Variants in GRAMD4 observed in about 807,000 individuals in gnomAD.
GRAMD4 encodes GRAM domain-containing protein 4.
A neutral mutation model predicts 83.9 loss-of-function variants in GRAMD4; 25 were observed. The ratio of observed to expected loss-of-function variants is 0.30; its 90% confidence interval spans 0.22 to 0.42. The LOEUF is 0.42. Ranked by LOEUF, GRAMD4 falls within the 10% of genes least tolerant of loss-of-function variation. The pLI, the probability that GRAMD4 is intolerant of heterozygous loss-of-function variation, is 1.00. For missense variants in GRAMD4, 593 were observed against 788.7 expected, an observed-to-expected ratio of 0.75 and a Z score of 2.97; for synonymous variants, 336 against 320.9, an observed-to-expected ratio of 1.05 and a Z score of -0.50.
rs772568964 is a variant in GRAMD4 at position 46,672,948 on chromosome 22, C to T, written c.1190C>T (p.Pro397Leu). ...DTPYIIWRSL[P>L]TDPQLKERSS... ...CCCTATATCATCTGGAGGAGTCTCC[C>T]CACCGACCCGCAGCTCAAGGAGCGC... Residue 397 changes from proline to leucine, a missense_variant, in exon 14 of 19, where the codon CCC becomes CTC. Physicochemically the swap from Pro to Leu is moderately conservative, Grantham distance 98. Around this residue, in one of 4 missense-constraint regions of GRAMD4, gnomAD observed 171 missense variants for 199.6 expected, o/e 0.86. Transcript: ENST00000406902. This position sits in a 1 kb window ranked among gnomAD's most constrained non-coding sequence, Gnocchi z 4.7. 8.5e-5 allele frequency: 137 copies of T among 1,610,350 alleles called. No individual in the cohort carries two copies. The highest frequency in any genetic ancestry group is 1.6e-4 in the Middle Eastern group (1 of 6,082).
intron 3 of GRAMD4, among the ~76,000 whole-genome samples, chr22:46,649,281 G>A (rs2147282496): frequency 6.6e-6 from 1 of 152,312 alleles, no homozygotes; most frequent in South Asian, 2.1e-4. Context: ...GGGACTGGGG[G>A]CCTGGAGGGC....
At chr22:46,650,920 C>G (rs1236895706) in intron 3 of GRAMD4, among the ~76,000 whole-genome samples, 1 of 152,192 alleles carries the variant, frequency 6.6e-6, no homozygotes, top group African/African-American at 2.4e-5. Context: ...TCTGAGGGTC[C>G]CTCTGGGCAC....
chr22:46,579,729 C>T (rs980262241), intron 1 of GRAMD4, among the ~76,000 whole-genome samples: 7 of 152,140 alleles, frequency 4.6e-5, no homozygotes, highest in African/African-American at 1.2e-4. Flanking sequence ...TATTTCTCTC[C>T]GGTAGCCGAA....
At chr22:46,671,157 G>A (rs185247294) in intron 13 of GRAMD4, 7 of 457,288 alleles carry the variant, frequency 1.5e-5, no homozygotes, top group Admixed American at 9.5e-5. Context: ...CTCCTGGGTC[G>A]GCCACCACGT....
chr22:46,665,805 T>C (rs2082399871), intron 9 of GRAMD4, 99 bp downstream of exon 9: 1 of 693,782 alleles, frequency 1.4e-6, no homozygotes, highest in Admixed American at 2.1e-5. Flanking sequence ...GGGTATGTCA[T>C]GCACTGACGT....
chr22:46,620,648 C>G lies in GRAMD4; in HGVS notation c.-50+83C>G. On this transcript the variant is annotated intron_variant, in intron 1 of 18. Coordinates refer to ENST00000406902, the MANE Select transcript of GRAMD4 (RefSeq NM_015124.5). The surrounding 1 kb of genome is among the most constrained non-coding windows in gnomAD (Gnocchi z 4.7). ...CCCAGCCTTGGGAAAAGCTGCTACTCTCTGGGGCAGTGGTCCCAGCTACCA... is the reference window on the plus strand; with the variant it reads ...CCCAGCCTTGGGAAAAGCTGCTACTGTCTGGGGCAGTGGTCCCAGCTACCA... 1.4e-5 allele frequency: 6 copies of G among 426,900 alleles called. No homozygotes were observed. The highest frequency in any genetic ancestry group is 1.9e-5 in the Non-Finnish European group (6 of 318,268). 26.4% of individuals were successfully genotyped at this position (426,900 alleles called of 1,614,324 possible).
chr22:46,660,495 C>A (rs1019090991), intron 4 of GRAMD4, among the ~76,000 whole-genome samples: 1 of 152,122 alleles, frequency 6.6e-6, no homozygotes, highest in African/African-American at 2.4e-5. Flanking sequence ...CACATGTGCG[C>A]ACACACTGCA....
rs2082637298 is a variant in GRAMD4, at chr22:46,678,879, G to T, written c.*1628G>T. 1 of 985,958 alleles carries T rather than the reference G, an allele frequency of 1.0e-6. No individual in the cohort carries two copies. The highest frequency in any genetic ancestry group is 1.2e-6 in the Non-Finnish European group (1 of 829,984). The allele number at this position is 985,958 out of a possible 1,614,324, so 61.1% of individuals were successfully genotyped here. ...CAGATTAAGCACATGTCCTATCCCA[G>T]GCGGTGGAGCGGAGCCCCCGTGGCT... On this transcript the variant is annotated 3_prime_UTR_variant, in exon 19 of 19. Coordinates refer to ENST00000406902, the MANE Select transcript of GRAMD4 (RefSeq NM_015124.5).
intron 2 of GRAMD4, among the ~76,000 whole-genome samples, chr22:46,634,216 G>A (rs1372732875): frequency 1.3e-5 from 2 of 152,230 alleles, no homozygotes; most frequent in East Asian, 3.9e-4. Flanking sequence ...TGGCTGCTGG[G>A]TCTCATTTCA....
chr22:46,613,123 G>A (rs141060952), intron 1 of GRAMD4, among the ~76,000 whole-genome samples: 12 of 152,358 alleles, frequency 7.9e-5, no homozygotes, highest in South Asian at 6.2e-4. Flanking sequence ...TGAGAGCAGC[G>A]TTTGTGGAAC....
At chr22:46,670,548 G>A (rs956973717) in intron 13 of GRAMD4, among the ~76,000 whole-genome samples, 22 of 152,308 alleles carry the variant, frequency 1.4e-4, no homozygotes, top group African/African-American at 4.1e-4. Context: ...GGGGCAGGCC[G>A]CCCTCCACGG....
chr22:46,608,810 A>G (rs1220001407), intron 1 of GRAMD4, among the ~76,000 whole-genome samples: 3 of 152,150 alleles, frequency 2.0e-5, no homozygotes, highest in African/African-American at 2.4e-5. Context: ...GGAGTTTGAG[A>G]CCAGCCTGAG....
intron 1 of GRAMD4, among the ~76,000 whole-genome samples, chr22:46,624,323 CCTTTTTT>C (rs2081621607): frequency 1.2e-5 from 1 of 82,758 alleles, no homozygotes; most frequent in Non-Finnish European, 2.2e-5. Context: ...GTTCCCTCTT[CCTTTTTT>C]TTTTTTTTTT....
At chr22:46,629,324 T>C in intron 2 of GRAMD4, among the ~76,000 whole-genome samples, 1 of 152,158 alleles carries the variant, frequency 6.6e-6, no homozygotes, top group South Asian at 2.1e-4. Context: ...TCAAATGAGA[T>C]AATAAGTGAA....
In GRAMD4 at chr22:46,649,990, C is replaced by G. The variant is rs187047387; in HGVS notation, c.284-8197C>G. Among the ~76,000 whole-genome samples the G allele has an allele frequency of 3.0e-4, 45 of 152,214 alleles. 1 individual carries two copies. The highest frequency in any genetic ancestry group is 3.4e-3 in the Middle Eastern group (1 of 294). On this transcript the variant is annotated intron_variant, in intron 3 of 18. Transcript: ENST00000406902. ...AGTTCCTGTGGTGATGGCAGGAGGG[C>G]TGAATTGGGCTGGGAGAGTTCAGGT... is the stretch of plus-strand genomic sequence containing the variant.
At position 46,676,681 on chromosome 22, in the gene GRAMD4, C is replaced by T. The variant is rs373291223; in HGVS notation, c.1632+13C>T. 28 of 1,546,822 alleles carry T rather than the reference C, an allele frequency of 1.8e-5. 1 individual carries two copies. The highest frequency in any genetic ancestry group is 3.9e-5 in the Admixed American group (2 of 50,986). On this transcript the variant is annotated intron_variant, in intron 18 of 18. Transcript: ENST00000406902. ...ATCCACCCAGAAAGTAGGTGCCGGG[C>T]GGGGGGCCGCCAAGGGGTTGGTGTG...
At chr22:46,661,993 G>A (rs1049985970) in intron 5 of GRAMD4, among the ~76,000 whole-genome samples, 1 of 152,208 alleles carries the variant, frequency 6.6e-6, no homozygotes, top group African/African-American at 2.4e-5. Flanking sequence ...TCCAGCCCCC[G>A]CCTGGCTTCA....
chr22:46,602,778 T>TTTTTTG (rs1286530418), intron 1 of GRAMD4, among the ~76,000 whole-genome samples: 1 of 149,988 alleles, frequency 6.7e-6, no homozygotes. Flanking sequence ...TTTTTTTTTT[T>TTTTTTG]GAGGCAGAGT....
rs571998637 is a variant in GRAMD4 at position 46,675,788 on chromosome 22, G to C, written c.1563+236G>C. On this transcript the variant is annotated intron_variant, in intron 17 of 18. Coordinates refer to ENST00000406902, the MANE Select transcript of GRAMD4 (RefSeq NM_015124.5). ...GTCTCAAAGTGGAGGGGCTGGGTTG[G>C]AGCCCAGGAGGTCAGGACCCAAGCC... 9.1e-4 allele frequency among the ~76,000 whole-genome samples: 139 copies of C among 152,300 alleles called. 1 individual carries two copies. The highest frequency in any genetic ancestry group is 4.6e-3 in the Admixed American group (70 of 15,306).
Sources: allele counts gnomAD v4.1 joint callset (sites outside exome capture counted in the v4.1 genomes callset), GRCh38; gene constraint gnomAD v4.1.1; regional missense constraint gnomAD v4.1.1; non-coding constraint Gnocchi (gnomAD v3.1); transcripts MANE v1.5; gene names NCBI Gene and HGNC (gene_info 2026-07-23, HGNC 2026-07-21).